The following RAB11FIP2 variants were observed in gnomAD, a reference collection of about 807,000 sequenced individuals.
RAB11FIP2 encodes rab11 family-interacting protein 2.
In RAB11FIP2, 16 loss-of-function variants were observed where a neutral mutation model predicts 40.9. The observed-to-expected ratio is 0.39, with a 90% CI of 0.26 to 0.59. The LOEUF is 0.59. Ranked by LOEUF, RAB11FIP2 falls within the 20% of genes least tolerant of loss-of-function variation. The pLI is 0.53. For missense variants in RAB11FIP2, 532 were observed against 606.2 expected, an observed-to-expected ratio of 0.88 and a Z score of 1.28; for synonymous variants, 228 against 213.7, an observed-to-expected ratio of 1.07 and a Z score of -0.58.
rs1846079415 is a variant in RAB11FIP2 at position 118,005,187 on chromosome 10, C to G, written c.*3811G>C. 1 of 152,538 alleles carries G rather than the reference C, an allele frequency of 6.6e-6. No homozygotes were observed. The highest frequency in any genetic ancestry group is 6.5e-5 in the Admixed American group (1 of 15,270). The allele number at this position is 152,538 out of a possible 1,614,324, so 9.4% of individuals were successfully genotyped here. A position where few individuals can be genotyped will look rare whatever the true frequency, so the allele number is the denominator to read the frequency against. On this transcript the variant is annotated 3_prime_UTR_variant, in exon 5 of 5. Transcript: ENST00000355624. ...AGATCTGCAGCATTTTTTTGTACCT[C>G]AAAACACAAACCATCTGGAAGCTTC...
rs1006687267 is a variant in RAB11FIP2, at chr10:118,046,888, G to C, written c.-725C>G. On this transcript the variant is annotated 5_prime_UTR_variant, in exon 1 of 5. Transcript: ENST00000355624. Reference sequence around the variant, plus strand: ...GCCGGCGGCTCCTAACACCGGGCGGGCGGCTGCGGCGGCACTTCCGGGTTG... The same window carrying C: ...GCCGGCGGCTCCTAACACCGGGCGGCCGGCTGCGGCGGCACTTCCGGGTTG... 3.3e-5 allele frequency: 5 copies of C among 153,454 alleles called. No homozygotes were observed. The highest frequency in any genetic ancestry group is 1.2e-4 in the African/African-American group (5 of 41,548). The allele number at this position is 153,454 out of a possible 1,614,324, so 9.5% of individuals were successfully genotyped here.
chr10:118,013,124 C>T (rs1564829948), intron 4 of RAB11FIP2, among the ~76,000 whole-genome samples: 1 of 151,870 alleles, frequency 6.6e-6, no homozygotes, highest in South Asian at 2.1e-4. Context: ...AGCAAATTAT[C>T]AAGACTCAAA....
intron 3 of RAB11FIP2, among the ~76,000 whole-genome samples, chr10:118,031,903 A>C (rs572083761): frequency 2.6e-5 from 4 of 152,172 alleles, no homozygotes; most frequent in African/African-American, 9.6e-5. Flanking sequence ...TATGAGTCAC[A>C]AATAGAAGGT....
chr10:118,039,582 A>C, intron 2 of RAB11FIP2, 142 bp from the exon 3 acceptor site: 1 of 717,256 alleles, frequency 1.4e-6, no homozygotes. Context: ...TCAAGGAAAC[A>C]ATCTTAAAAT....
chr10:118,015,201 A>C, intron 3 of RAB11FIP2, 91 bp from the exon 4 acceptor site: 1 of 1,047,870 alleles, frequency 9.5e-7, no homozygotes, highest in Non-Finnish European at 1.4e-6. Flanking sequence ...TTGTAATACA[A>C]ATTTCTAAAG....
intron 3 of RAB11FIP2, among the ~76,000 whole-genome samples, chr10:118,015,690 C>T (rs1248527976): frequency 6.6e-6 from 1 of 151,988 alleles, no homozygotes; most frequent in Non-Finnish European, 1.5e-5. Flanking sequence ...CGAATCAAAA[C>T]AACACAGATT....
intron 3 of RAB11FIP2, chr10:118,017,975 C>G (rs1461786768): frequency 6.6e-6 from 1 of 152,130 alleles, no homozygotes; most frequent in Non-Finnish European, 1.5e-5. Context: ...CCTAAGAATG[C>G]TGAAAATGTC....
chr10:118,020,990 T>A (rs1481059083), intron 3 of RAB11FIP2, among the ~76,000 whole-genome samples: 2 of 152,034 alleles, frequency 1.3e-5, no homozygotes, highest in African/African-American at 4.8e-5. Flanking sequence ...AACTACTTAT[T>A]TTAACTTTTT....
chr10:118,012,596 T>C (rs557031693), intron 4 of RAB11FIP2, among the ~76,000 whole-genome samples: 33 of 151,978 alleles, frequency 2.2e-4, no homozygotes, highest in South Asian at 1.2e-3. Flanking sequence ...ATATAAACAA[T>C]AGAAAATTAA....
intron 3 of RAB11FIP2, among the ~76,000 whole-genome samples, chr10:118,023,259 T>C (rs571923522): frequency 6.6e-6 from 1 of 152,322 alleles, no homozygotes; most frequent in Non-Finnish European, 1.5e-5. Context: ...ATAATGCTCT[T>C]TCCAAAGCTC....
At chr10:118,013,683 GA>G (rs1191581089) in intron 4 of RAB11FIP2, among the ~76,000 whole-genome samples, 1 of 151,946 alleles carries the variant, frequency 6.6e-6, no homozygotes, top group Admixed American at 6.6e-5. Context: ...CTGTCATTTA[GA>G]ATAGTTAGTA....
intron 3 of RAB11FIP2, among the ~76,000 whole-genome samples, chr10:118,037,247 T>G (rs1348165955): frequency 6.6e-6 from 1 of 152,128 alleles, no homozygotes; most frequent in Non-Finnish European, 1.5e-5. Flanking sequence ...AATAAAATAT[T>G]GATACCATAT....
intron 3 of RAB11FIP2, among the ~76,000 whole-genome samples, chr10:118,030,188 T>C (rs1287862842): frequency 6.6e-6 from 1 of 152,160 alleles, no homozygotes; most frequent in Non-Finnish European, 1.5e-5. Context: ...AGATTATTAA[T>C]CTACATGTAA....
At position 118,012,929 on chromosome 10, in the gene RAB11FIP2, C is replaced by T. The variant is rs151035976; in HGVS notation, c.1311+2136G>A. Among the ~76,000 whole-genome samples, 860 of 152,142 alleles carry T rather than the reference C, an allele frequency of 5.7e-3. 8 individuals are homozygous for T. The highest frequency in any genetic ancestry group is 0.02 in the African/African-American group (824 of 41,546). ...TCTGTTAAAAATGTCCATATGCAGA[C>T]ATAGAAGATGTGGACTGGTAAGAAA... On this transcript the variant is annotated intron_variant, in intron 4 of 4. Transcript: ENST00000355624.
chr10:118,032,948 A>G (rs569816611), intron 3 of RAB11FIP2, among the ~76,000 whole-genome samples: 1 of 152,102 alleles, frequency 6.6e-6, no homozygotes, highest in Non-Finnish European at 1.5e-5. Context: ...ATTTTACTTA[A>G]TAATGGCCCC....
intron 3 of RAB11FIP2, among the ~76,000 whole-genome samples, chr10:118,029,965 G>A (rs1472197386): frequency 2.6e-5 from 4 of 152,128 alleles, no homozygotes. Context: ...CCAAACTGGT[G>A]CCAGGGCCAC....
At chr10:118,016,256 T>C (rs779422315) in intron 3 of RAB11FIP2, among the ~76,000 whole-genome samples, 3 of 152,148 alleles carry the variant, frequency 2.0e-5, no homozygotes, top group Non-Finnish European at 4.4e-5. Context: ...TGAGGATAAA[T>C]TGAGTATTTC....
chr10:118,008,410 A>C lies in RAB11FIP2; in HGVS notation c.*588T>G, dbSNP rs753799499. On this transcript the variant is annotated 3_prime_UTR_variant, in exon 5 of 5. Coordinates refer to ENST00000355624, the MANE Select transcript of RAB11FIP2 (RefSeq NM_014904.3). Reference sequence around the variant, plus strand: ...AGAGCACACACATTTTCAAATCAAGAAATTGGTAGCCTAACTTTAGAGGCA... The same window carrying C: ...AGAGCACACACATTTTCAAATCAAGCAATTGGTAGCCTAACTTTAGAGGCA... The C allele has an allele frequency of 6.5e-6, 1 of 153,634 alleles. No homozygotes were observed. Among genetic ancestry groups the C allele is most frequent in the African/African-American group, 2.4e-5 (1 of 41,428 alleles). The allele number at this position is 153,634 out of a possible 1,614,324, so 9.5% of individuals were successfully genotyped here.
At chr10:118,022,838 A>G (rs11198238) in intron 3 of RAB11FIP2, among the ~76,000 whole-genome samples, 7,193 of 152,284 alleles carry the variant, frequency 0.047, 407 homozygotes, top group East Asian at 0.17. Flanking sequence ...AGTACTTAAT[A>G]AAAATGTGTA....
Sources: gnomAD v4.1 joint callset for allele counts (sites outside exome capture counted in the v4.1 genomes callset) on GRCh38, gnomAD v4.1.1 for gene constraint, MANE v1.5 for transcripts, NCBI Gene and HGNC (gene_info 2026-07-23, HGNC 2026-07-21) for gene names.